Variants in DPH6 observed in about 807,000 individuals in gnomAD.
The protein encoded by DPH6 is diphthamine biosynthesis 6.
A neutral mutation model predicts 38.2 loss-of-function variants in DPH6; 33 were observed. That is an observed-to-expected ratio of 0.86 (90% CI 0.65 to 1.15). The LOEUF is 1.15. Among genes scored for constraint, DPH6 ranks in the 50% most tolerant of loss-of-function variants. The pLI, the probability that DPH6 is intolerant of heterozygous loss-of-function variation, is 0.00. For missense variants in DPH6, 325 were observed against 320.0 expected (o/e 1.02, Z -0.12); for synonymous variants, 108 against 103.0 (o/e 1.05, Z -0.30).
intron 3 of DPH6, among the ~76,000 whole-genome samples, chr15:35,350,285 T>C (rs898942707): frequency 6.6e-6 from 1 of 151,592 alleles, no homozygotes; most frequent in Non-Finnish European, 1.5e-5. Flanking sequence ...TCAGTTGCAA[T>C]GTCTTCTTTC....
At chr15:35,179,167 T>C in the DPH6 span, among the ~76,000 whole-genome samples, 3 of 136,766 alleles carry the variant, frequency 2.2e-5, no homozygotes, top group Admixed American at 2.4e-4. Context: ...GATTGCGCCA[T>C]TGCACCCCAG....
chr15:35,412,549 T>C (rs1800374577), intron 5 of DPH6, among the ~76,000 whole-genome samples: 1 of 151,762 alleles, frequency 6.6e-6, no homozygotes, highest in Admixed American at 6.6e-5. Flanking sequence ...AGCAGTTTTA[T>C]TCATAATTGT....
At chr15:35,417,160 C>A (rs1203931381) in intron 5 of DPH6, among the ~76,000 whole-genome samples, 2 of 151,936 alleles carry the variant, frequency 1.3e-5, no homozygotes, top group Non-Finnish European at 2.9e-5. Flanking sequence ...CCACAAGTTT[C>A]CTCATTTACT....
At chr15:35,527,747 T>C (rs1277538573) in intron 3 of DPH6, among the ~76,000 whole-genome samples, 1 of 152,208 alleles carries the variant, frequency 6.6e-6, no homozygotes, top group East Asian at 1.9e-4. Flanking sequence ...ATAGTCTAGT[T>C]TAGATGGCAC....
chr15:35,333,093 T>TA (rs34059551), intron 3 of DPH6, among the ~76,000 whole-genome samples: 123 of 140,118 alleles, frequency 8.8e-4, no homozygotes, highest in East Asian at 4.1e-3. Context: ...ATCAGGAAGC[T>TA]AAAAAAAAAA....
intron 7 of DPH6, among the ~76,000 whole-genome samples, chr15:35,379,382 G>A (rs1280900162): frequency 6.6e-6 from 1 of 152,146 alleles, no homozygotes; most frequent in African/African-American, 2.4e-5. Context: ...GCTAATAGTG[G>A]CAGACAATTA....
chr15:35,474,464 C>T (rs931183533), intron 3 of DPH6, among the ~76,000 whole-genome samples: 1 of 152,100 alleles, frequency 6.6e-6, no homozygotes, highest in East Asian at 1.9e-4. Context: ...GCCATAACAG[C>T]AAGTTTAAAG....
intron 3 of DPH6, among the ~76,000 whole-genome samples, chr15:35,294,858 G>C (rs951486147): frequency 6.6e-6 from 1 of 152,208 alleles, no homozygotes; most frequent in Non-Finnish European, 1.5e-5. Flanking sequence ...TATGAGACTT[G>C]TACAGAAATC....
chr15:35,364,274 A>G (rs1328088400), intron 3 of DPH6, among the ~76,000 whole-genome samples: 1 of 152,064 alleles, frequency 6.6e-6, no homozygotes, highest in African/African-American at 2.4e-5. Flanking sequence ...CTATATATCC[A>G]CTACCTACAC....
Position 35,227,871 on chromosome 15 carries a change from C to A in DPH6, n.201-7289G>T, listed in dbSNP as rs561033072. Among the ~76,000 whole-genome samples the A allele has an allele frequency of 3.9e-5, 6 of 151,954 alleles. No individual in the cohort carries two copies. In the South Asian group the frequency reaches 1.2e-3, roughly 32 times the overall value. ...AATTTTTCAATTTTCTTCTTAATTT[C>A]CTTATTGACCCATTGATCATTTGTG... On this transcript the variant is annotated intron_variant and non_coding_transcript_variant, in intron 3 of 3. Transcript: ENST00000560386.
chr15:35,260,399 C>T (rs1566853049), intron 3 of DPH6, among the ~76,000 whole-genome samples: 2 of 151,882 alleles, frequency 1.3e-5, no homozygotes, highest in East Asian at 3.9e-4. Flanking sequence ...AGCCACCGCG[C>T]CCAGCCAGGA....
At chr15:35,182,220 A>ATTTTTTTTTTTT in the DPH6 span, among the ~76,000 whole-genome samples, 2 of 86,012 alleles carry the variant, frequency 2.3e-5, no homozygotes, top group African/African-American at 7.8e-5. Flanking sequence ...AACTCTAAGA[A>ATTTTTTTTTTTT]TTTTTTTTTT....
At chr15:35,267,932 A>G (rs1259252469) in intron 3 of DPH6, among the ~76,000 whole-genome samples, 1 of 152,172 alleles carries the variant, frequency 6.6e-6, no homozygotes, top group Non-Finnish European at 1.5e-5. Flanking sequence ...GCACTTTGGG[A>G]GGCCGAGGCC....
chr15:35,536,162 T>C (rs964797037), intron 3 of DPH6, among the ~76,000 whole-genome samples: 19 of 152,170 alleles, frequency 1.2e-4, no homozygotes, highest in African/African-American at 4.3e-4. Context: ...TCATTTTTTT[T>C]CATAATTACT....
At chr15:35,358,455 G>A (rs1235312239) in intron 3 of DPH6, among the ~76,000 whole-genome samples, 1 of 152,140 alleles carries the variant, frequency 6.6e-6, no homozygotes, top group East Asian at 1.9e-4. Flanking sequence ...GCATTGAAGA[G>A]CCTTGTTTTG....
rs550349118 is a variant in DPH6 at position 35,313,584 on chromosome 15, T to A, written n.200+59937A>T. ...GTTAAATTGATTCCTAGGTATTATA[T>A]ATTATTCGTATCTATTGCAAATGAG... On this transcript the variant is annotated intron_variant and non_coding_transcript_variant, in intron 3 of 3. Coordinates refer to the DPH6 transcript ENST00000560386. 2.6e-5 allele frequency among the ~76,000 whole-genome samples: 4 copies of A among 152,302 alleles called. No homozygotes were observed. In the East Asian group the frequency reaches 5.8e-4, roughly 22 times the overall value.
chr15:35,230,192 G>A (rs968091883), intron 3 of DPH6, among the ~76,000 whole-genome samples: 1 of 152,158 alleles, frequency 6.6e-6, no homozygotes, highest in East Asian at 1.9e-4. Context: ...AAGCCCACCT[G>A]GTGTTCTACT....
At chr15:35,181,786 C>T in the DPH6 span, 1 of 152,044 alleles carries the variant, frequency 6.6e-6, no homozygotes, top group African/African-American at 2.4e-5. Context: ...CTATACCAAC[C>T]AGAAAAGAAG....
chr15:35,308,460 T>C (rs147197669), intron 3 of DPH6, among the ~76,000 whole-genome samples: 2 of 151,972 alleles, frequency 1.3e-5, no homozygotes, highest in Non-Finnish European at 1.5e-5. Flanking sequence ...AACAAAACAA[T>C]TGTCAGGTAT....
Sources: allele counts gnomAD v4.1 joint callset (sites outside exome capture counted in the v4.1 genomes callset), GRCh38; gene constraint gnomAD v4.1.1; transcripts MANE v1.5; gene names NCBI Gene and HGNC (gene_info 2026-07-23, HGNC 2026-07-21).